The following H2AJ variants were observed in gnomAD, a reference collection of about 807,000 sequenced individuals.
The protein encoded by H2AJ is histone H2A.J.
H2AJ carries 3 observed loss-of-function variants against 7.9 expected under a neutral mutation model. The ratio of observed to expected loss-of-function variants is 0.38; its 90% CI spans 0.17 to 0.98. The LOEUF is 0.98. Ranked by LOEUF, H2AJ falls within the 50% of genes least tolerant of loss-of-function variation. The pLI, the probability that H2AJ is intolerant of heterozygous loss-of-function variation, is 0.39. For synonymous variants in H2AJ, 98 were observed against 85.7 expected, an observed-to-expected ratio of 1.14 and a Z score of -0.79; for missense variants, 128 against 174.4, an observed-to-expected ratio of 0.73 and a Z score of 1.50.
downstream of H2AJ, chr12:14,775,711 A>G: frequency 3.8e-6 from 1 of 259,760 alleles, no homozygotes. Context: ...TCTTCATCAT[A>G]TCATATTCAC....
In H2AJ at chr12:14,774,544, A is replaced by T. The variant is rs1428326420; in HGVS notation, c.74A>T (p.Gln25Leu). The change falls in exon 1 of 1, where the codon CAG becomes CTG. Residue 25 changes from glutamine (Q) to leucine (L), a missense_variant. Coordinates refer to ENST00000544848, the MANE Select transcript of H2AJ (RefSeq NM_177925.5). ...AKSRSSRAGL[Q>L]FPVGRVHRLL... The stretch of plus-strand genomic sequence containing the variant: ...TCCCGCTCCTCCCGCGCGGGCCTGC[A>T]GTTCCCGGTGGGCCGAGTGCACAGA... 6.2e-7 allele frequency: 1 copy of T among 1,612,530 alleles called. No homozygotes were observed. Among genetic ancestry groups the T allele is most frequent in the Admixed American group, 1.7e-5 (1 of 59,588 alleles).
At chr12:14,775,766 C>G (rs1423681896), downstream of H2AJ, 2 of 238,722 alleles carry the variant, frequency 8.4e-6, no homozygotes, top group Non-Finnish European at 1.8e-5. Flanking sequence ...ACAAAAACCT[C>G]TTGCTTTTAG....
At chr12:14,775,306 G>A (rs7972336), downstream of H2AJ, 558 of 471,906 alleles carry the variant, frequency 1.2e-3, 3 homozygotes, top group African/African-American at 8.7e-3. Flanking sequence ...TCGCTCTCCT[G>A]CCAGTTTGTG....
downstream of H2AJ, chr12:14,775,128 C>A: frequency 1.9e-6 from 1 of 523,736 alleles, no homozygotes; most frequent in Admixed American, 3.1e-5. Context: ...TGGGCTTGAG[C>A]CACTCTGGAC....
chr12:14,777,906 C>A (rs11056185), downstream of H2AJ: 8,706 of 167,102 alleles, frequency 0.052, 273 homozygotes, highest in Middle Eastern at 0.088. Context: ...TGATAGCAAA[C>A]CATAAAAACA....
chr12:14,774,999 G>A lies in H2AJ; in HGVS notation c.*139G>A. The A allele has an allele frequency of 1.0e-6, 1 of 992,484 alleles. No individual in the cohort carries two copies. The highest frequency in any genetic ancestry group is 1.5e-6 in the Non-Finnish European group (1 of 676,642). The allele number at this position is 992,484 out of a possible 1,614,324, so 61.5% of individuals were successfully genotyped here. ...GAGGTGGGCGGCGAGGGTCCCGGCG[G>A]GAGCCAATAAAGTTGGTGAAAATCG... On this transcript the variant is annotated 3_prime_UTR_variant, in exon 1 of 1. Transcript: ENST00000544848.
rs777174400 is a variant in H2AJ at position 14,774,800 on chromosome 12, C to T, written c.330C>T (p.Pro110=). ...KVTIAQGGVL[P]NIQAVLLPKK... ...CCATCGCTCAGGGCGGCGTCCTGCCCAACATCCAGGCCGTGCTGCTGCCCA... is the reference window on the plus strand; with the variant it reads ...CCATCGCTCAGGGCGGCGTCCTGCCTAACATCCAGGCCGTGCTGCTGCCCA... The change falls in exon 1 of 1, where the codon CCC becomes CCT. Residue 110 remains proline, a synonymous_variant. Coordinates refer to ENST00000544848, the MANE Select transcript of H2AJ (RefSeq NM_177925.5). 1.9e-6 allele frequency: 3 copies of T among 1,614,218 alleles called. No individual in the cohort carries two copies. The highest frequency in any genetic ancestry group is 2.2e-5 in the South Asian group (2 of 91,086).
In H2AJ at chr12:14,774,549, C is replaced by T. The variant is rs865903421; in HGVS notation, c.79C>T (p.Pro27Ser). The change falls in exon 1 of 1, where the codon CCG becomes TCG. Residue 27 changes from proline to serine, a missense_variant. Coordinates refer to ENST00000544848, the MANE Select transcript of H2AJ (RefSeq NM_177925.5). ...CTCCTCCCGCGCGGGCCTGCAGTTC[C>T]CGGTGGGCCGAGTGCACAGACTGCT... ...SRSSRAGLQFPVGRVHRLLRK... is the reference protein window; with the variant it reads ...SRSSRAGLQFSVGRVHRLLRK... 8.7e-6 allele frequency: 14 copies of T among 1,612,678 alleles called. No individual in the cohort carries two copies. The highest frequency in any genetic ancestry group is 1.6e-4 in the Middle Eastern group (1 of 6,072).
rs1592206639 is a variant in H2AJ, at chr12:14,774,962, A to G, written c.*102A>G. ...TGCTGGATGTCATGGAGGGCCGGTG[A>G]CATCTAGCGGGGAGGTGGGCGGCGA... On this transcript the variant is annotated 3_prime_UTR_variant, in exon 1 of 1. Transcript: ENST00000544848. 1 of 1,371,026 alleles carries G rather than the reference A, an allele frequency of 7.3e-7. No individual in the cohort carries two copies. The highest frequency in any genetic ancestry group is 9.9e-7 in the Non-Finnish European group (1 of 1,007,444). 84.9% of individuals were successfully genotyped at this position (1,371,026 alleles called of 1,614,324 possible).
chr12:14,777,094 GT>G (rs3838353), downstream of H2AJ: 452 of 162,172 alleles, frequency 2.8e-3, 8 homozygotes, highest in East Asian at 0.05. Flanking sequence ...GTTTTTGAGA[GT>G]TTTTTTTTTA....
At chr12:14,775,117 G>A (rs937930397), downstream of H2AJ, 2 of 540,536 alleles carry the variant, frequency 3.7e-6, no homozygotes, top group African/African-American at 3.8e-5. Flanking sequence ...GCACTGGTGG[G>A]TGGGCTTGAG....
At position 14,774,482 on chromosome 12, in the gene H2AJ, C is replaced by A; in HGVS notation, c.12C>A (p.Arg4=). ...GGCGAGAGGTGATCATGTCCGGTCGCGGGAAACAGGGCGGCAAAGTGCGAG... is the reference window on the plus strand; with the variant it reads ...GGCGAGAGGTGATCATGTCCGGTCGAGGGAAACAGGGCGGCAAAGTGCGAG... MSG[R]GKQGGKVRAK... Residue 4 remains arginine (R), a synonymous_variant, in exon 1 of 1, where the codon CGC becomes CGA. Coordinates refer to ENST00000544848, the MANE Select transcript of H2AJ (RefSeq NM_177925.5). The A allele has an allele frequency of 6.4e-7, 1 of 1,569,634 alleles. No individual in the cohort carries two copies. Among genetic ancestry groups the A allele is most frequent in the South Asian group, 1.2e-5 (1 of 84,288 alleles).
chr12:14,774,550 C>G lies in H2AJ; in HGVS notation c.80C>G (p.Pro27Arg). The G allele has an allele frequency of 6.2e-7, 1 of 1,613,282 alleles. No homozygotes were observed. Among genetic ancestry groups the G allele is most frequent in the Non-Finnish European group, 8.5e-7 (1 of 1,179,684 alleles). Residue 27 changes from proline to arginine, a missense_variant, in exon 1 of 1, where the codon CCG becomes CGG. By Grantham distance (103) the Pro-to-Arg change is moderately radical (BLOSUM62 -2). Coordinates refer to ENST00000544848, the MANE Select transcript of H2AJ (RefSeq NM_177925.5). ...SRSSRAGLQF[P>R]VGRVHRLLRK... ...TCCTCCCGCGCGGGCCTGCAGTTCCCGGTGGGCCGAGTGCACAGACTGCTG... is the reference window on the plus strand; with the variant it reads ...TCCTCCCGCGCGGGCCTGCAGTTCCGGGTGGGCCGAGTGCACAGACTGCTG...
Position 14,774,751 on chromosome 12 carries a change from T to TA in H2AJ, c.284dup (p.Asn95LysfsTer86). 6.2e-7 allele frequency: 1 copy of TA among 1,614,140 alleles called. No individual in the cohort carries two copies. The highest frequency in any genetic ancestry group is 8.5e-7 in the Non-Finnish European group (1 of 1,180,020). ...CTCGCCATCCGCAACGACGAGGAGT[T>TA]AAACAAGCTGCTGGGCAAAGTGACC... is the stretch of plus-strand genomic sequence containing the variant. On this transcript the variant is annotated frameshift_variant, in exon 1 of 1. Transcript: ENST00000544848. LOFTEE classifies it high-confidence loss of function.
Position 14,774,910 on chromosome 12 carries a change from A to G in H2AJ, c.*50A>G, listed in dbSNP as rs1009671672. ...GGCTCCCCCAGCAAAGGCCCTTTTC[A>G]TGGTCGTCCCGCAATGCTTTTGAAT... On this transcript the variant is annotated 3_prime_UTR_variant, in exon 1 of 1. Transcript: ENST00000544848. 2.5e-6 allele frequency: 4 copies of G among 1,578,190 alleles called. No homozygotes were observed. The African/African-American group carries it at 4.1e-5, about 16-fold the overall frequency.
chr12:14,775,418 G>A (rs932430445), downstream of H2AJ: 1 of 471,106 alleles, frequency 2.1e-6, no homozygotes, highest in Non-Finnish European at 4.4e-6. Flanking sequence ...GTAACTTTCC[G>A]TCTTGGAAGG....
chr12:14,774,583 G>A lies in H2AJ; in HGVS notation c.113G>A (p.Gly38Glu). ...VGRVHRLLRK[G>E]NYAERVGAGA... ...CGAGTGCACAGACTGCTGCGCAAAG[G>A]GAACTACGCGGAGCGAGTGGGCGCC... Residue 38 changes from glycine to glutamate, a missense_variant, in exon 1 of 1, where the codon GGG becomes GAG. By Grantham distance (98) the Gly-to-Glu change is moderately conservative (BLOSUM62 -2). Coordinates refer to ENST00000544848, the MANE Select transcript of H2AJ (RefSeq NM_177925.5). The A allele has an allele frequency of 1.2e-6, 2 of 1,614,020 alleles. No homozygotes were observed. Among genetic ancestry groups the A allele is most frequent in the Non-Finnish European group, 1.7e-6 (2 of 1,179,984 alleles).
downstream of H2AJ, chr12:14,776,206 T>G (rs1186586712): frequency 6.0e-6 from 1 of 167,166 alleles, no homozygotes; most frequent in Non-Finnish European, 1.5e-5. Context: ...CCACATGGAC[T>G]TTATTTTGTC....
downstream of H2AJ, chr12:14,775,057 A>G (rs553593793): frequency 6.1e-6 from 4 of 654,480 alleles, no homozygotes; most frequent in African/African-American, 4.0e-5. Context: ...TCGCGGGGAC[A>G]TGTCGGATGG....
Sources: allele counts gnomAD v4.1 joint callset, GRCh38; gene constraint gnomAD v4.1.1; transcripts MANE v1.5; gene names NCBI Gene and HGNC (gene_info 2026-07-23, HGNC 2026-07-21).